The following RAB44 variants were observed in gnomAD, a reference collection of about 807,000 sequenced individuals.
RAB44 encodes ras-related protein Rab-44.
Under a neutral mutation model 93.3 loss-of-function variants are expected in RAB44, and 67 were observed. That is an observed-to-expected ratio of 0.72 (90% confidence interval 0.59 to 0.88). The LOEUF is 0.88. Ranked by LOEUF, RAB44 falls within the 40% of genes least tolerant of loss-of-function variation. The pLI is 0.00. For missense variants in RAB44, 1,064 were observed against 1,261.7 expected (o/e 0.84, Z 2.37); for synonymous variants, 427 against 520.3 (o/e 0.82, Z 2.44).
At position 36,732,066 on chromosome 6, in the gene RAB44, G is replaced by A. The variant is rs371749124; in HGVS notation, c.3039G>A (p.Pro1013=). 43 of 1,234,284 alleles carry A rather than the reference G, an allele frequency of 3.5e-5. No individual in the cohort carries two copies. The highest frequency in any genetic ancestry group is 1.2e-4 in the South Asian group (3 of 24,414). 76.5% of individuals were successfully genotyped at this position (1,234,284 alleles called of 1,614,324 possible). A position where few individuals can be genotyped will look rare whatever the true frequency, so the allele number is the denominator to read the frequency against. The change falls in exon 14 of 14, where the codon CCG becomes CCA. Residue 1013 remains proline, a synonymous_variant. Transcript: ENST00000612677. ...DSLVKVAPKR[P]PKRFGCCS Reference sequence around the variant, plus strand: ...TGGTGAAGGTGGCCCCCAAGAGGCCGCCCAAGAGATTCGGCTGTTGCTCCT... The same window carrying A: ...TGGTGAAGGTGGCCCCCAAGAGGCCACCCAAGAGATTCGGCTGTTGCTCCT...
Position 36,715,508 on chromosome 6 carries a change from C to G in RAB44, c.349C>G (p.His117Asp). The G allele has an allele frequency of 6.5e-7, 1 of 1,536,164 alleles. No homozygotes were observed. The highest frequency in any genetic ancestry group is 8.7e-7 in the Non-Finnish European group (1 of 1,146,914). Residue 117 changes from histidine to aspartate, a missense_variant, in exon 4 of 14, where the codon CAC (histidine) becomes GAC (aspartate). Transcript: ENST00000612677. The stretch of plus-strand genomic sequence containing the variant: ...CATCTTTGGCTCCAGCCAGAGCCCC[C>G]ACAGGCTCCGCAGAAGGAAGCCACT... ...KNIFGSSQSP[H>D]RLRRRKPLPS...
rs540347281 is a variant in RAB44, at chr6:36,731,927, C to A, written c.2976-76C>A. 1.6e-4 allele frequency: 154 copies of A among 989,218 alleles called. No homozygotes were observed. In the African/African-American group the frequency reaches 2.5e-3, roughly 16 times the overall value. 61.3% of individuals were successfully genotyped at this position (989,218 alleles called of 1,614,324 possible). A position where few individuals can be genotyped will look rare whatever the true frequency, so the allele number is the denominator to read the frequency against. On this transcript the variant is annotated intron_variant, in intron 13 of 13. Coordinates refer to ENST00000612677, the MANE Select transcript of RAB44 (RefSeq NM_001257357.2). The surrounding 1 kb of genome is among the most constrained non-coding windows in gnomAD (Gnocchi z 4.0). ...GTTGTGGGTGCGGCCTCCCACCCCC[C>A]AGCTGCACCCATGGGCCCATCCGTG... is the stretch of plus-strand genomic sequence containing the variant.
At chr6:36,711,175 G>A (rs1041704952) in intron 2 of RAB44, among the ~76,000 whole-genome samples, 1 of 152,172 alleles carries the variant, frequency 6.6e-6, no homozygotes, top group African/African-American at 2.4e-5. Flanking sequence ...TGTTTAAGGT[G>A]ACACACTGGA....
chr6:36,705,857 G>T (rs578086255), intron 2 of RAB44, among the ~76,000 whole-genome samples: 1 of 151,300 alleles, frequency 6.6e-6, no homozygotes, highest in Non-Finnish European at 1.5e-5. Flanking sequence ...CTGTCTGGAC[G>T]CTTTCATACA....
intron 9 of RAB44, among the ~76,000 whole-genome samples, chr6:36,723,171 A>G (rs995125342): frequency 2.6e-5 from 4 of 152,216 alleles, no homozygotes; most frequent in Non-Finnish European, 5.9e-5. Context: ...ATGTATTTGT[A>G]GAGTGTGGTA....
chr6:36,725,968 G>A, intron 10 of RAB44, 25 bp downstream of exon 10: 1 of 1,533,932 alleles, frequency 6.5e-7, no homozygotes, highest in Non-Finnish European at 8.8e-7. Context: ...ATATCAGTGT[G>A]TCAGGAACCT....
chr6:36,730,884 T>C (rs956059579), intron 13 of RAB44, 135 bp downstream of exon 13: 3 of 418,180 alleles, frequency 7.2e-6, no homozygotes, highest in Middle Eastern at 6.1e-4. Flanking sequence ...AAGCACCTAG[T>C]TAAAGACCTG....
intron 4 of RAB44, among the ~76,000 whole-genome samples, chr6:36,716,078 G>A (rs759074066): frequency 1.3e-5 from 2 of 152,216 alleles, no homozygotes; most frequent in Non-Finnish European, 2.9e-5. Context: ...GCGATTTCAG[G>A]CATTTTGTGC....
At chr6:36,710,560 T>C (rs2150329005) in intron 2 of RAB44, among the ~76,000 whole-genome samples, 1 of 151,738 alleles carries the variant, frequency 6.6e-6, no homozygotes, top group South Asian at 2.1e-4. Context: ...TTTTTTTTTT[T>C]TAATTGAGAT....
chr6:36,732,175 C>T lies in RAB44; in HGVS notation c.*82C>T, dbSNP rs1476070050. ...CCTGTCCTTTGTTCCTGGACAGCAA[C>T]GACACAGAGGACCAGCTTGGAGGTT... On this transcript the variant is annotated 3_prime_UTR_variant, in exon 14 of 14. Transcript: ENST00000612677. The T allele has an allele frequency of 3.4e-5, 31 of 899,934 alleles. No homozygotes were observed. The highest frequency in any genetic ancestry group is 1.7e-4 in the Admixed American group (4 of 23,190). The allele number at this position is 899,934 out of a possible 1,614,324, so 55.7% of individuals were successfully genotyped here.
intron 1 of RAB44, among the ~76,000 whole-genome samples, chr6:36,702,293 GGAGAGAGAGAGAGAGAGAGA>G (rs567475229): frequency 2.6e-5 from 3 of 115,140 alleles, no homozygotes; most frequent in African/African-American, 3.6e-5. Flanking sequence ...CTTCGAAGGG[GGAGAGAGAGAGAGAGAGAGA>G]GAGAGAGAGA....
At chr6:36,702,546 C>T (rs1762539879) in intron 1 of RAB44, among the ~76,000 whole-genome samples, 1 of 152,178 alleles carries the variant, frequency 6.6e-6, no homozygotes, top group Non-Finnish European at 1.5e-5. Flanking sequence ...CAGAGAATGC[C>T]CAGGGGAGAT....
Position 36,721,943 on chromosome 6 carries a change from G to A in RAB44, c.1809G>A (p.Gly603=). The change falls in exon 9 of 14, where the codon GGG becomes GGA. Residue 603 remains glycine, a synonymous_variant. Transcript: ENST00000612677. ...CCACTGGCTCTGAGCCAAGACTGGG[G>A]ACCCAGAGGGCTAGAGCCCTCACCC... The part of the protein sequence containing the change: ...LHATGSEPRL[G]TQRARALTLG... 8.1e-7 allele frequency: 1 copy of A among 1,234,614 alleles called. No individual in the cohort carries two copies. The highest frequency in any genetic ancestry group is 2.1e-4 in the Middle Eastern group (1 of 4,840). The allele number at this position is 1,234,614 out of a possible 1,614,324, so 76.5% of individuals were successfully genotyped here.
chr6:36,717,974 C>T lies in RAB44; in HGVS notation c.642-54C>T, dbSNP rs373718946. 7 of 1,128,076 alleles carry T rather than the reference C, an allele frequency of 6.2e-6. No homozygotes were observed. Among genetic ancestry groups the T allele is most frequent in the South Asian group, 9.0e-5 (2 of 22,340 alleles). 69.9% of individuals were successfully genotyped at this position (1,128,076 alleles called of 1,614,324 possible). A position where few individuals can be genotyped will look rare whatever the true frequency, so the allele number is the denominator to read the frequency against. On this transcript the variant is annotated intron_variant, in intron 5 of 13. Coordinates refer to ENST00000612677, the MANE Select transcript of RAB44 (RefSeq NM_001257357.2). This position sits in a 1 kb window ranked among gnomAD's most constrained non-coding sequence, Gnocchi z 4.1. ...AAGCCCAGACTGCCCCTGCCAGCAG[C>T]AGGCTCCCAGAGGTGCTGATGGGCT...
intron 4 of RAB44, among the ~76,000 whole-genome samples, chr6:36,716,340 C>T (rs1410633191): frequency 6.6e-6 from 1 of 152,032 alleles, no homozygotes; most frequent in Non-Finnish European, 1.5e-5. Flanking sequence ...CGTGGTGGCA[C>T]ATGCCTGTAA....
intron 2 of RAB44, 122 bp downstream of exon 2, chr6:36,704,564 C>G: frequency 1.2e-6 from 1 of 859,164 alleles, no homozygotes; most frequent in East Asian, 2.7e-5. Context: ...TTAGAGCTCT[C>G]AGAAAACGCT....
intron 1 of RAB44, among the ~76,000 whole-genome samples, chr6:36,700,989 G>A (rs1285575112): frequency 2.0e-5 from 3 of 152,218 alleles, no homozygotes; most frequent in Non-Finnish European, 4.4e-5. Flanking sequence ...GAGCAACATG[G>A]GATGAATTAG....
At chr6:36,725,047 G>T (rs962788367) in intron 9 of RAB44, among the ~76,000 whole-genome samples, 1 of 152,200 alleles carries the variant, frequency 6.6e-6, no homozygotes, top group African/African-American at 2.4e-5. Flanking sequence ...TGAAGACCTG[G>T]TTCAGTTTCT....
chr6:36,725,461 G>T (rs986943616), intron 9 of RAB44, among the ~76,000 whole-genome samples: 4 of 152,246 alleles, frequency 2.6e-5, no homozygotes, highest in Middle Eastern at 3.2e-3. Context: ...TGTAACCAGT[G>T]TAACAGTTGC....
Sources: gnomAD v4.1 joint callset for allele counts (sites outside exome capture counted in the v4.1 genomes callset) on GRCh38, gnomAD v4.1.1 for gene constraint, Gnocchi (gnomAD v3.1) non-coding constraint, MANE v1.5 for transcripts, NCBI Gene and HGNC (gene_info 2026-07-23, HGNC 2026-07-21) for gene names.